ADAM12: variants seen among roughly 807,000 people sequenced by gnomAD.
ADAM12 encodes disintegrin and metalloproteinase domain-containing protein 12.
ADAM12 carries 70 observed loss-of-function variants against 106.4 expected under a neutral mutation model. That is an observed-to-expected ratio of 0.66 (90% CI 0.54 to 0.80). ADAM12 has a LOEUF of 0.80. Ranked by LOEUF, ADAM12 falls within the 30% of genes least tolerant of loss-of-function variation. The pLI is 0.00. For synonymous variants in ADAM12, 420 were observed against 433.5 expected (o/e 0.97, Z 0.39); for missense variants, 1,010 against 1,171.9 (o/e 0.86, Z 2.02).
chr10:126,148,687 G>A lies in ADAM12; in HGVS notation c.339+6540C>T, dbSNP rs555605659. Among the ~76,000 whole-genome samples the A allele has an allele frequency of 5.9e-5, 9 of 152,322 alleles. No individual in the cohort carries two copies. In the South Asian group the frequency reaches 1.7e-3, roughly 28 times the overall value. ...CTAGCTTTCAGTTGCTTCCCCAGTG[G>A]AGATGATCCACAGAGTCAGATGAAG... On this transcript the variant is annotated intron_variant, in intron 4 of 22. Coordinates refer to ENST00000448723, the MANE Select transcript of ADAM12 (RefSeq NM_001288973.2).
chr10:126,187,255 T>C (rs1957415446), intron 3 of ADAM12, among the ~76,000 whole-genome samples: 2 of 152,226 alleles, frequency 1.3e-5, no homozygotes, highest in Admixed American at 6.5e-5. Flanking sequence ...ACTCTGATCG[T>C]CTCTGCATGA....
intron 3 of ADAM12, among the ~76,000 whole-genome samples, chr10:126,181,395 T>G (rs1475915177): frequency 6.6e-6 from 1 of 152,122 alleles, no homozygotes; most frequent in Non-Finnish European, 1.5e-5. Flanking sequence ...TGATCATAGC[T>G]TTATGAATGC....
chr10:126,167,708 T>C (rs1020784071), intron 3 of ADAM12, among the ~76,000 whole-genome samples: 1 of 152,224 alleles, frequency 6.6e-6, no homozygotes, highest in Admixed American at 6.5e-5. Flanking sequence ...AGAAGCAAAG[T>C]GAACCTCGAA....
At chr10:126,193,904 GAAATAAAATA>G (rs142749355) in intron 3 of ADAM12, among the ~76,000 whole-genome samples, 11,006 of 145,140 alleles carry the variant, frequency 0.076, 1,172 homozygotes, top group African/African-American at 0.25. Context: ...GAAATAAAAT[GAAATAAAATA>G]AAATAAAATA....
intron 3 of ADAM12, among the ~76,000 whole-genome samples, chr10:126,169,583 C>T (rs970622890): frequency 1.3e-5 from 2 of 152,092 alleles, no homozygotes; most frequent in African/African-American, 4.8e-5. Flanking sequence ...CTTCTTTCTA[C>T]TCTAAAAAAA....
At chr10:126,081,382 A>G (rs1207886771) in intron 11 of ADAM12, among the ~76,000 whole-genome samples, 1 of 37,074 alleles carries the variant, frequency 2.7e-5, no homozygotes, top group East Asian at 1.0e-3. Flanking sequence ...GATTGGGGGA[A>G]AAAAACAAAA....
chr10:126,378,399 C>T (rs910454268), intron 1 of ADAM12, among the ~76,000 whole-genome samples: 2 of 152,094 alleles, frequency 1.3e-5, no homozygotes, highest in African/African-American at 4.8e-5. Flanking sequence ...CAGAGGAGTA[C>T]ACAAATTATG....
intron 11 of ADAM12, among the ~76,000 whole-genome samples, chr10:126,084,532 C>G (rs1479031208): frequency 6.6e-6 from 1 of 152,222 alleles, no homozygotes; most frequent in Non-Finnish European, 1.5e-5. Flanking sequence ...GCCCAGTAGA[C>G]AGACCTGCAC....
chr10:126,237,554 A>G (rs1958442812), intron 3 of ADAM12, among the ~76,000 whole-genome samples: 2 of 152,104 alleles, frequency 1.3e-5, no homozygotes, highest in African/African-American at 4.8e-5. Context: ...CTTATCTACA[A>G]TATCTTCATA....
intron 3 of ADAM12, among the ~76,000 whole-genome samples, chr10:126,203,956 G>C (rs1957750216): frequency 6.6e-6 from 1 of 152,212 alleles, no homozygotes; most frequent in Non-Finnish European, 1.5e-5. Flanking sequence ...GTGTGTGTGT[G>C]TGTGTGAACC....
intron 11 of ADAM12, among the ~76,000 whole-genome samples, chr10:126,083,424 T>C (rs945049867): frequency 6.6e-6 from 1 of 152,204 alleles, no homozygotes; most frequent in Non-Finnish European, 1.5e-5. Context: ...GCCTCAGGCA[T>C]GACCCAGCAC....
rs138910750 is a variant in ADAM12, at chr10:126,332,790, C to T, written c.89-2281G>A. Among the ~76,000 whole-genome samples the T allele has an allele frequency of 5.5e-3, 842 of 152,274 alleles. 13 individuals are homozygous for T. Among genetic ancestry groups the T allele is most frequent in the African/African-American group, 0.019 (780 of 41,558 alleles). On this transcript the variant is annotated intron_variant, in intron 1 of 22. Coordinates refer to ENST00000448723, the MANE Select transcript of ADAM12 (RefSeq NM_001288973.2). ...CATGATGTGTGAGGGACGCATCGGC[C>T]GGTTTCAACGGCACTGTTCTCGAAG...
At chr10:126,219,135 C>G (rs1958043248) in intron 3 of ADAM12, among the ~76,000 whole-genome samples, 1 of 152,200 alleles carries the variant, frequency 6.6e-6, no homozygotes, top group Non-Finnish European at 1.5e-5. Flanking sequence ...ACTCTCATGG[C>G]TCAGGCTATT....
chr10:126,363,380 A>G (rs1281156231), intron 1 of ADAM12, among the ~76,000 whole-genome samples: 1 of 152,200 alleles, frequency 6.6e-6, no homozygotes, highest in Non-Finnish European at 1.5e-5. Context: ...GTCCCAAAAA[A>G]CACACAGTAA....
chr10:126,140,334 AGATT>A (rs968777786), intron 4 of ADAM12, among the ~76,000 whole-genome samples: 26 of 152,254 alleles, frequency 1.7e-4, no homozygotes, highest in African/African-American at 5.3e-4. Flanking sequence ...TGTTTTTAAT[AGATT>A]ATTTATTAAA....
chr10:126,043,186 T>C lies in ADAM12; in HGVS notation c.1996-38A>G, dbSNP rs757775891. 1 of 1,590,718 alleles carries C rather than the reference T, an allele frequency of 6.3e-7. No homozygotes were observed. The highest frequency in any genetic ancestry group is 8.6e-7 in the Non-Finnish European group (1 of 1,161,890). ...AGGGGAGGGACGTGGGGTTAGGGCATATGCTCTGTGCATCACCACAGCAGA... is the reference window on the plus strand; with the variant it reads ...AGGGGAGGGACGTGGGGTTAGGGCACATGCTCTGTGCATCACCACAGCAGA... On this transcript the variant is annotated intron_variant, in intron 17 of 22. Transcript: ENST00000448723. This position sits in a 1 kb window ranked among gnomAD's most constrained non-coding sequence, Gnocchi z 4.1.
chr10:126,206,256 G>GA (rs1245165843), intron 3 of ADAM12, among the ~76,000 whole-genome samples: 2 of 152,124 alleles, frequency 1.3e-5, no homozygotes, highest in African/African-American at 2.4e-5. Flanking sequence ...GAATCTTTCT[G>GA]ACCCTTTCTA....
At chr10:126,324,510 G>A (rs968455766) in intron 2 of ADAM12, among the ~76,000 whole-genome samples, 3 of 152,202 alleles carry the variant, frequency 2.0e-5, no homozygotes, top group East Asian at 1.9e-4. Flanking sequence ...CGGGACTTCC[G>A]AAGGACTGGA....
rs562629593 is a variant in ADAM12, at chr10:126,066,652, A to C, written c.1413+65T>G. On this transcript the variant is annotated intron_variant, in intron 13 of 22. Coordinates refer to ENST00000448723, the MANE Select transcript of ADAM12 (RefSeq NM_001288973.2). The surrounding 1 kb of genome is among the most constrained non-coding windows in gnomAD (Gnocchi z 5.1). ...CTTCCAGCCACACTGCTTGCCCTGC[A>C]TCAGATCTGAACCACCTGAACCTGT... 4.4e-5 allele frequency: 66 copies of C among 1,484,688 alleles called. No homozygotes were observed. In the African/African-American group the frequency reaches 6.9e-4, roughly 16 times the overall value. 92.0% of individuals were successfully genotyped at this position (1,484,688 alleles called of 1,614,324 possible). A position where few individuals can be genotyped will look rare whatever the true frequency, so the allele number is the denominator to read the frequency against.
Sources: allele counts gnomAD v4.1 joint callset (sites outside exome capture counted in the v4.1 genomes callset), GRCh38; gene constraint gnomAD v4.1.1; non-coding constraint Gnocchi (gnomAD v3.1); transcripts MANE v1.5; gene names NCBI Gene and HGNC (gene_info 2026-07-23, HGNC 2026-07-21).